Variants in THSD1 observed in about 807,000 individuals in gnomAD.
THSD1 encodes thrombospondin type-1 domain-containing protein 1.
In THSD1, 34 loss-of-function variants were observed where a neutral mutation model predicts 46.3. The observed-to-expected ratio is 0.74, with a 90% CI of 0.56 to 0.98. The LOEUF is 0.98. Ranked by LOEUF, THSD1 falls within the 50% of genes least tolerant of loss-of-function variation. THSD1 has a pLI of 0.00. For synonymous variants in THSD1, 407 were observed against 416.5 expected, an observed-to-expected ratio of 0.98 and a Z score of 0.28; for missense variants, 1,023 against 1,058.3, an observed-to-expected ratio of 0.97 and a Z score of 0.46.
chr13:52,384,589 C>G (rs1440757196), intron 4 of THSD1, among the ~76,000 whole-genome samples: 1 of 152,182 alleles, frequency 6.6e-6, no homozygotes, highest in Non-Finnish European at 1.5e-5. Context: ...AGTGTTGTCA[C>G]ACAGCAGATA....
intron 2 of THSD1, among the ~76,000 whole-genome samples, chr13:52,400,589 G>A (rs895398560): frequency 2.6e-5 from 4 of 151,968 alleles, no homozygotes; most frequent in African/African-American, 9.7e-5. Flanking sequence ...ACAACAGCGA[G>A]ACTCCATCTC....
intron 2 of THSD1, among the ~76,000 whole-genome samples, chr13:52,399,702 G>C (rs1305066539): frequency 6.6e-6 from 1 of 152,194 alleles, no homozygotes; most frequent in Non-Finnish European, 1.5e-5. Context: ...ATAGGATAAA[G>C]TTCTTTTTTT....
intron 2 of THSD1, chr13:52,398,559 CAA>C: frequency 1.0e-6 from 1 of 985,346 alleles, no homozygotes; most frequent in Non-Finnish European, 1.2e-6. Context: ...GCATTTTAGA[CAA>C]GAGAAGTTAG....
At position 52,386,222 on chromosome 13, in the gene THSD1, C is replaced by G. The variant is rs374126085; in HGVS notation, c.1022-36G>C. The G allele has an allele frequency of 3.1e-6, 5 of 1,601,172 alleles. No homozygotes were observed. In the African/African-American group the frequency reaches 6.7e-5, roughly 21 times the overall value. ...ATAAGTTATGCTTTTAATGCTAGTT[C>G]ATTTGAGAATCAGTATTTAACTGCA... On this transcript the variant is annotated intron_variant, in intron 3 of 4. Transcript: ENST00000258613.
chr13:52,384,481 T>C, intron 4 of THSD1: 5 of 449,728 alleles, frequency 1.1e-5, no homozygotes, highest in South Asian at 7.9e-5. Flanking sequence ...CTTAGAAAAA[T>C]GCCTGGCAGG....
At chr13:52,379,786 A>G (rs994820704) in intron 4 of THSD1, among the ~76,000 whole-genome samples, 3 of 152,152 alleles carry the variant, frequency 2.0e-5, no homozygotes, top group African/African-American at 7.2e-5. Context: ...AATTTTCAAG[A>G]TAAAAGTCAG....
In THSD1 at chr13:52,389,456, G is replaced by C. The variant is rs535558749; in HGVS notation, c.1022-3270C>G. Among the ~76,000 whole-genome samples the C allele has an allele frequency of 5.3e-5, 8 of 151,890 alleles. No individual in the cohort carries two copies. In the South Asian group the frequency reaches 1.5e-3, roughly 28 times the overall value. ...AAATAATCTAAACACTAAGTTAAAA[G>C]ACATAGATTGTCAGATTAGATAAAA... On this transcript the variant is annotated intron_variant, in intron 3 of 4. Coordinates refer to ENST00000258613, the MANE Select transcript of THSD1 (RefSeq NM_018676.4).
intron 1 of THSD1, among the ~76,000 whole-genome samples, chr13:52,403,468 G>T (rs1294567037): frequency 2.0e-5 from 3 of 152,074 alleles, no homozygotes; most frequent in Admixed American, 2.0e-4. Context: ...TTTGTTGGAA[G>T]AAGCACTTAT....
Position 52,397,242 on chromosome 13 carries a change from CTGAA to C in THSD1, c.1007_1010del (p.Ile336ArgfsTer73). 1 of 1,571,546 alleles carries C rather than the reference CTGAA, an allele frequency of 6.4e-7. No individual in the cohort carries two copies. Among genetic ancestry groups the C allele is most frequent in the Non-Finnish European group, 8.6e-7 (1 of 1,161,128 alleles). On this transcript the variant is annotated frameshift_variant, in exon 3 of 5. Transcript: ENST00000258613. LOFTEE classifies it high-confidence loss of function. ...AATCTCAATACAAACCTGTATTTCT[CTGAA>C]TTAGCATGCACTCCTCCTTTGCAGA...
intron 2 of THSD1, chr13:52,400,147 GCAGA>G: frequency 6.3e-6 from 1 of 158,378 alleles, no homozygotes; most frequent in Non-Finnish European, 1.4e-5. Context: ...TGTCAGTGAA[GCAGA>G]TCAGATTCTG....
intron 3 of THSD1, among the ~76,000 whole-genome samples, chr13:52,394,112 C>T (rs997063757): frequency 1.3e-5 from 2 of 152,162 alleles, no homozygotes; most frequent in Admixed American, 6.5e-5. Context: ...CAGCGTCTTC[C>T]TGCTGCTGCT....
rs760530016 is a variant in THSD1 at position 52,377,712 on chromosome 13, C to G, written c.2258G>C (p.Arg753Thr). The part of the protein sequence containing the change: ...HQAGLVAGIE[R>T]TEPHRARRGP... ...CCGACGAGCTCTGTGGGGCTCTGTTCTCTCAATTCCGGCCACTAATCCTGC... is the reference window on the plus strand; with the variant it reads ...CCGACGAGCTCTGTGGGGCTCTGTTGTCTCAATTCCGGCCACTAATCCTGC... The change falls in exon 5 of 5, where the codon AGA becomes ACA. Residue 753 changes from arginine to threonine, a missense_variant. This residue lies in a region of THSD1 where 578 missense variants were observed against 497.4 expected (regional missense o/e 1.16). Coordinates refer to ENST00000258613, the MANE Select transcript of THSD1 (RefSeq NM_018676.4). 9.9e-6 allele frequency: 16 copies of G among 1,612,618 alleles called. No individual in the cohort carries two copies. Among genetic ancestry groups the G allele is most frequent in the Non-Finnish European group, 8.5e-7 (1 of 1,179,016 alleles).
intron 4 of THSD1, among the ~76,000 whole-genome samples, chr13:52,379,774 G>A (rs1957677858): frequency 6.6e-6 from 1 of 152,036 alleles, no homozygotes; most frequent in Non-Finnish European, 1.5e-5. Context: ...CGCCCAGCCA[G>A]AAATTTTCAA....
At chr13:52,403,156 C>G (rs2137751629) in intron 1 of THSD1, among the ~76,000 whole-genome samples, 1 of 152,270 alleles carries the variant, frequency 6.6e-6, no homozygotes, top group African/African-American at 2.4e-5. Context: ...CATTTCCTTG[C>G]ACAATTGGTG....
At chr13:52,392,146 C>T (rs1217778333) in intron 3 of THSD1, among the ~76,000 whole-genome samples, 2 of 146,238 alleles carry the variant, frequency 1.4e-5, no homozygotes, top group Admixed American at 7.0e-5. Context: ...GAGCCGAGAT[C>T]GCGCCACTGC....
At position 52,398,259 on chromosome 13, in the gene THSD1, G is replaced by T. The variant is rs1468062702; in HGVS notation, c.59-65C>A. The T allele has an allele frequency of 3.9e-6, 6 of 1,528,446 alleles. No homozygotes were observed. The African/African-American group carries it at 5.6e-5, about 14-fold the overall frequency. The allele number at this position is 1,528,446 out of a possible 1,614,324, so 94.7% of individuals were successfully genotyped here. A position where few individuals can be genotyped will look rare whatever the true frequency, so the allele number is the denominator to read the frequency against. The stretch of plus-strand genomic sequence containing the variant: ...TTTGAGAAGAACTATTAGTGACATT[G>T]ATGAAAACAGAATTTTTAAATTTTT... On this transcript the variant is annotated intron_variant, in intron 2 of 4. Coordinates refer to ENST00000258613, the MANE Select transcript of THSD1 (RefSeq NM_018676.4).
intron 4 of THSD1, among the ~76,000 whole-genome samples, chr13:52,382,811 G>A (rs924725686): frequency 6.6e-6 from 1 of 152,080 alleles, no homozygotes; most frequent in African/African-American, 2.4e-5. Context: ...GACCAGCCTG[G>A]CCAACATGGT....
chr13:52,387,552 C>T (rs141412630), intron 3 of THSD1, among the ~76,000 whole-genome samples: 151 of 152,140 alleles, frequency 9.9e-4, no homozygotes, highest in African/African-American at 3.5e-3. Context: ...AAAATAGCTA[C>T]GATAAATATG....
At position 52,378,379 on chromosome 13, in the gene THSD1, G is replaced by A; in HGVS notation, c.1591C>T (p.Arg531Cys). 1.2e-6 allele frequency: 2 copies of A among 1,614,076 alleles called. No individual in the cohort carries two copies. The highest frequency in any genetic ancestry group is 1.7e-6 in the Non-Finnish European group (2 of 1,180,036). Residue 531 changes from arginine to cysteine, a missense_variant, in exon 5 of 5, where the codon CGC becomes TGC. Around this residue, in one of 3 missense-constraint regions of THSD1, gnomAD observed 578 missense variants for 497.4 expected, o/e 1.16. Coordinates refer to ENST00000258613, the MANE Select transcript of THSD1 (RefSeq NM_018676.4). The part of the protein sequence containing the change: ...QKIIPPLFSY[R>C]LAQQQLKEMK... ...TCCTTTAACTGCTGCTGGGCAAGGCGGTAGCTGAACAGAGGTGGGATTATC... is the reference window on the plus strand; with the variant it reads ...TCCTTTAACTGCTGCTGGGCAAGGCAGTAGCTGAACAGAGGTGGGATTATC...
Sources: allele counts gnomAD v4.1 joint callset (sites outside exome capture counted in the v4.1 genomes callset), GRCh38; gene constraint gnomAD v4.1.1; regional missense constraint gnomAD v4.1.1; transcripts MANE v1.5; gene names NCBI Gene and HGNC (gene_info 2026-07-23, HGNC 2026-07-21).